Variants in SLCO3A1 observed in about 807,000 individuals in gnomAD.
The protein encoded by SLCO3A1 is PGE1 transporter.
A neutral mutation model predicts 63.1 loss-of-function variants in SLCO3A1; 27 were observed. That is an observed-to-expected ratio of 0.43 (90% CI 0.32 to 0.59). The LOEUF (loss-of-function observed/expected upper bound fraction) is 0.59. Ranked by LOEUF, SLCO3A1 falls within the 20% of genes least tolerant of loss-of-function variation. The pLI is 0.09. For synonymous variants in SLCO3A1, 473 were observed against 409.9 expected (o/e 1.15, Z -1.86); for missense variants, 773 against 945.8 (o/e 0.82, Z 2.40).
chr15:91,926,605 G>GCT (rs1390399661), intron 2 of SLCO3A1, among the ~76,000 whole-genome samples: 1 of 149,610 alleles, frequency 6.7e-6, no homozygotes, highest in African/African-American at 2.5e-5. Flanking sequence ...GTGCGCGCGC[G>GCT]CACGCCCATG....
intron 2 of SLCO3A1, among the ~76,000 whole-genome samples, chr15:91,923,378 G>A (rs1898911159): frequency 6.6e-6 from 1 of 152,184 alleles, no homozygotes; most frequent in Non-Finnish European, 1.5e-5. Flanking sequence ...TTATAGAGCT[G>A]AGAATAGCAA....
chr15:91,968,666 TCAGA>T lies in SLCO3A1; in HGVS notation c.646+52213_646+52216del, dbSNP rs1900746642. Reference sequence around the variant, plus strand: ...GAAGCTTCATTCCCCAACCCATTCTTCAGACAGAGAAAGGGTGCACACGCAGACC... The same window carrying T: ...GAAGCTTCATTCCCCAACCCATTCTTCAGAGAAAGGGTGCACACGCAGACC... On this transcript the variant is annotated intron_variant, in intron 2 of 9. Coordinates refer to ENST00000318445, the MANE Select transcript of SLCO3A1 (RefSeq NM_013272.4). The surrounding 1 kb of genome is among the most constrained non-coding windows in gnomAD (Gnocchi z 4.2). Among the ~76,000 whole-genome samples, 1 of 152,138 alleles carries T rather than the reference TCAGA, an allele frequency of 6.6e-6. No individual in the cohort carries two copies. Among genetic ancestry groups the T allele is most frequent in the Admixed American group, 6.5e-5 (1 of 15,284 alleles).
chr15:91,879,028 A>G (rs573278569), intron 1 of SLCO3A1, among the ~76,000 whole-genome samples: 2 of 152,266 alleles, frequency 1.3e-5, no homozygotes, highest in Non-Finnish European at 2.9e-5. Context: ...ACGTGACTCT[A>G]TTTTGAAAAT....
intron 2 of SLCO3A1, among the ~76,000 whole-genome samples, chr15:92,005,822 T>A (rs1207295806): frequency 6.6e-6 from 1 of 152,164 alleles, no homozygotes; most frequent in Non-Finnish European, 1.5e-5. Context: ...ATGGCCTGTC[T>A]ATGTGATAGA....
intron 2 of SLCO3A1, among the ~76,000 whole-genome samples, chr15:92,079,968 G>A (rs570533809): frequency 3.9e-5 from 6 of 152,384 alleles, no homozygotes; most frequent in Admixed American, 2.0e-4. Flanking sequence ...GGCCCTTCAG[G>A]AAGGCACAAG....
rs747929610 is a variant in SLCO3A1, at chr15:92,094,962, C to A, written c.728C>A (p.Ala243Glu). 4 of 1,608,620 alleles carry A rather than the reference C, an allele frequency of 2.5e-6. No homozygotes were observed. The African/African-American group carries it at 5.3e-5, about 21-fold the overall frequency. The change falls in exon 3 of 10, where the codon GCG becomes GAG. Residue 243 changes from alanine (A) to glutamate (E), a missense_variant. By Grantham distance (107) the Ala-to-Glu change is moderately radical. Coordinates refer to ENST00000318445, the MANE Select transcript of SLCO3A1 (RefSeq NM_013272.4). ...TTCTGTACCAAAATCTACGTGGATG[C>A]GGTCTTCATTGACACAAGTAAGGAA... ...GSFCTKIYVD[A>E]VFIDTSNLDI... is the part of the protein sequence containing the mutation.
intron 7 of SLCO3A1, among the ~76,000 whole-genome samples, chr15:92,143,855 GGTGA>G (rs2048183714): frequency 6.6e-6 from 1 of 152,108 alleles, no homozygotes; most frequent in African/African-American, 2.4e-5. Flanking sequence ...GGCACAGGTG[GGTGA>G]GTCAGAGCTC....
chr15:91,971,557 G>A (rs571913640), intron 2 of SLCO3A1, among the ~76,000 whole-genome samples: 1 of 151,932 alleles, frequency 6.6e-6, no homozygotes, highest in Non-Finnish European at 1.5e-5. Context: ...CTGAAGAGCT[G>A]TCTAGTGTTC....
chr15:91,915,889 G>T (rs1470634705), intron 1 of SLCO3A1, 104 bp from the exon 2 acceptor site: 6 of 959,680 alleles, frequency 6.3e-6, no homozygotes, highest in East Asian at 4.9e-5. Context: ...GGCCAGGTGG[G>T]AGGGTCCCGG....
chr15:92,070,725 A>AG (rs2047206110), intron 2 of SLCO3A1, among the ~76,000 whole-genome samples: 2 of 150,244 alleles, frequency 1.3e-5, no homozygotes, highest in East Asian at 4.0e-4. Flanking sequence ...GAGGAGTGGG[A>AG]GGGGGCAGAG....
At chr15:92,047,524 TAA>T (rs1392774567) in intron 2 of SLCO3A1, among the ~76,000 whole-genome samples, 1 of 23,832 alleles carries the variant, frequency 4.2e-5, no homozygotes, top group African/African-American at 2.2e-4. Flanking sequence ...AATACATAAA[TAA>T]ATATATAAAT....
At chr15:92,063,966 G>A (rs2047117970) in intron 2 of SLCO3A1, among the ~76,000 whole-genome samples, 1 of 152,206 alleles carries the variant, frequency 6.6e-6, no homozygotes, top group African/African-American at 2.4e-5. Flanking sequence ...AGCAGCCTAT[G>A]AAAGGCTATT....
At chr15:92,091,494 G>A (rs1025715772) in intron 2 of SLCO3A1, among the ~76,000 whole-genome samples, 8 of 152,212 alleles carry the variant, frequency 5.3e-5, no homozygotes, top group African/African-American at 1.9e-4. Context: ...GAATTAAGGG[G>A]GAAACCAAGG....
chr15:92,017,764 A>G (rs554787981), intron 2 of SLCO3A1, among the ~76,000 whole-genome samples: 46 of 152,256 alleles, frequency 3.0e-4, no homozygotes, highest in African/African-American at 1.1e-3. Flanking sequence ...TACCAGGGGC[A>G]CATGACACCT....
At chr15:92,014,453 T>G (rs966745129) in intron 2 of SLCO3A1, among the ~76,000 whole-genome samples, 2 of 152,154 alleles carry the variant, frequency 1.3e-5, no homozygotes, top group African/African-American at 4.8e-5. Context: ...AGTCATAATT[T>G]ATTGCTATTA....
intron 2 of SLCO3A1, among the ~76,000 whole-genome samples, chr15:91,995,788 A>AT (rs1158501894): frequency 6.6e-6 from 1 of 151,314 alleles, no homozygotes; most frequent in Non-Finnish European, 1.5e-5. Flanking sequence ...TGGAAAAAAA[A>AT]AAGTTCATAA....
At chr15:92,069,807 C>T (rs1179394773) in intron 2 of SLCO3A1, among the ~76,000 whole-genome samples, 1 of 152,204 alleles carries the variant, frequency 6.6e-6, no homozygotes, top group African/African-American at 2.4e-5. Context: ...GAAAGCCCTC[C>T]CCGGGAGCTG....
chr15:92,054,459 GT>G (rs754340428), intron 2 of SLCO3A1, among the ~76,000 whole-genome samples: 18 of 152,010 alleles, frequency 1.2e-4, no homozygotes, highest in Middle Eastern at 3.4e-3. Context: ...CTCTATTATT[GT>G]TTTTTTCAGT....
intron 2 of SLCO3A1, among the ~76,000 whole-genome samples, chr15:92,027,692 A>G (rs2046592856): frequency 6.6e-6 from 1 of 152,242 alleles, no homozygotes; most frequent in Admixed American, 6.5e-5. Flanking sequence ...TGTGCCGTTC[A>G]ACATTTTTAT....
Sources: allele counts gnomAD v4.1 joint callset (sites outside exome capture counted in the v4.1 genomes callset), GRCh38; gene constraint gnomAD v4.1.1; non-coding constraint Gnocchi (gnomAD v3.1); transcripts MANE v1.5; gene names NCBI Gene and HGNC (gene_info 2026-07-23, HGNC 2026-07-21).